Variants in MEIS2 observed in about 807,000 individuals in gnomAD.
MEIS2 encodes Meis homeobox 2, also known as homeobox protein Meis2.
MEIS2 carries 9 observed loss-of-function variants against 58.6 expected under a neutral mutation model. The ratio of observed to expected loss-of-function variants is 0.15; its 90% CI spans 0.09 to 0.27. The LOEUF (loss-of-function observed/expected upper bound fraction) is 0.27, where lower values mean the gene tolerates loss of function less well. Ranked by LOEUF, MEIS2 falls within the 10% of genes least tolerant of loss-of-function variation. MEIS2 has a pLI of 1.00. For synonymous variants in MEIS2, 221 were observed against 228.4 expected, an observed-to-expected ratio of 0.97 and a Z score of 0.29; for missense variants, 427 against 635.0, an observed-to-expected ratio of 0.67 and a Z score of 3.52.
At chr15:36,917,386 A>C (rs1485085242) in intron 9 of MEIS2, among the ~76,000 whole-genome samples, 1 of 152,208 alleles carries the variant, frequency 6.6e-6, no homozygotes, top group African/African-American at 2.4e-5. Context: ...AGTCTTCAAA[A>C]TTAAGAGAAA....
At chr15:37,067,949 T>C (rs906128345) in intron 7 of MEIS2, among the ~76,000 whole-genome samples, 2 of 152,102 alleles carry the variant, frequency 1.3e-5, no homozygotes, top group Non-Finnish European at 2.9e-5. Context: ...CATATTATTA[T>C]CACTTAATTG....
intron 6 of MEIS2, among the ~76,000 whole-genome samples, chr15:37,084,363 C>T (rs1183864640): frequency 6.6e-6 from 1 of 152,172 alleles, no homozygotes; most frequent in Non-Finnish European, 1.5e-5. Context: ...ACAGGCTCCA[C>T]AATGTATGGG....
chr15:36,944,851 C>A (rs919371659), intron 9 of MEIS2, among the ~76,000 whole-genome samples: 5 of 152,018 alleles, frequency 3.3e-5, no homozygotes, highest in Non-Finnish European at 4.4e-5. Flanking sequence ...TCGACCCCAC[C>A]TCCCTGGTTT....
At chr15:37,014,996 T>C (rs2061297969) in intron 8 of MEIS2, among the ~76,000 whole-genome samples, 1 of 152,226 alleles carries the variant, frequency 6.6e-6, no homozygotes, top group African/African-American at 2.4e-5. Flanking sequence ...GGGAAACAAA[T>C]TCTTTTCTTT....
intron 11 of MEIS2, chr15:36,894,723 C>T: frequency 6.2e-7 from 1 of 1,611,564 alleles, no homozygotes; most frequent in Non-Finnish European, 8.5e-7. Flanking sequence ...TTACTTCCCC[C>T]TTGCTTTGCG....
At chr15:36,914,703 G>A (rs963716776) in intron 9 of MEIS2, among the ~76,000 whole-genome samples, 3 of 152,304 alleles carry the variant, frequency 2.0e-5, no homozygotes, top group Admixed American at 2.0e-4. Context: ...GTGGCTTGAG[G>A]GTAGTAAGAT....
At position 37,058,541 on chromosome 15, in the gene MEIS2, C is replaced by T. The variant is rs916498772; in HGVS notation, c.755-21582G>A. The stretch of plus-strand genomic sequence containing the variant: ...AAAGGTCATCTCTCACAGACGTCTC[C>T]GGCAGACACTCAGTTGTCAAAAGGT... On this transcript the variant is annotated intron_variant, in intron 7 of 11. Transcript: ENST00000561208. Among the ~76,000 whole-genome samples the T allele has an allele frequency of 3.3e-5, 5 of 152,286 alleles. No homozygotes were observed. In the East Asian group the frequency reaches 5.8e-4, roughly 18 times the overall value.
chr15:36,920,578 A>G (rs2057466755), intron 9 of MEIS2, among the ~76,000 whole-genome samples: 1 of 152,240 alleles, frequency 6.6e-6, no homozygotes, highest in Admixed American at 6.5e-5. Flanking sequence ...AAATCCTTTA[A>G]GTTGAGCCCA....
intron 7 of MEIS2, among the ~76,000 whole-genome samples, chr15:37,037,360 C>A (rs2062199845): frequency 1.3e-5 from 2 of 152,184 alleles, no homozygotes; most frequent in South Asian, 4.1e-4. Context: ...TTCTAGGCTG[C>A]CTGCATAGGT....
chr15:36,995,966 T>TAC (rs2141576237), intron 8 of MEIS2, among the ~76,000 whole-genome samples: 1 of 6,336 alleles, frequency 1.6e-4, no homozygotes, highest in African/African-American at 6.1e-4. Flanking sequence ...GATATATATA[T>TAC]ATATATATAT....
intron 3 of MEIS2, chr15:37,096,013 C>G (rs913410495): frequency 4.6e-6 from 2 of 437,096 alleles, no homozygotes; most frequent in African/African-American, 3.9e-5. Flanking sequence ...TAGCTGGAGG[C>G]GGGGGAAAAA....
chr15:37,061,091 G>A (rs765321776), intron 7 of MEIS2, among the ~76,000 whole-genome samples: 2 of 152,032 alleles, frequency 1.3e-5, no homozygotes, highest in Admixed American at 1.3e-4. Context: ...TAGGGGGTGC[G>A]GCTACCCAAG....
At chr15:36,905,722 A>G (rs1388735127) in intron 9 of MEIS2, among the ~76,000 whole-genome samples, 2 of 152,236 alleles carry the variant, frequency 1.3e-5, no homozygotes, top group Admixed American at 6.5e-5. Flanking sequence ...TATACTTCAC[A>G]TAAGACAAAT....
At chr15:37,059,423 G>C (rs1031967756) in intron 7 of MEIS2, among the ~76,000 whole-genome samples, 4 of 152,134 alleles carry the variant, frequency 2.6e-5, no homozygotes, top group African/African-American at 9.7e-5. Context: ...AGAATTACAG[G>C]CTCTTTCAAA....
At chr15:36,895,114 T>G in intron 11 of MEIS2, 37 bp downstream of exon 11, 1 of 1,568,946 alleles carries the variant, frequency 6.4e-7, no homozygotes, top group Non-Finnish European at 8.8e-7. Flanking sequence ...AGGTGGCACT[T>G]CCCAGGGAAG....
chr15:36,993,773 G>T (rs1408180790), intron 8 of MEIS2, among the ~76,000 whole-genome samples: 2 of 152,110 alleles, frequency 1.3e-5, no homozygotes, highest in Non-Finnish European at 2.9e-5. Flanking sequence ...TGAAGCAAAA[G>T]ATTTTTAGCC....
intron 9 of MEIS2, among the ~76,000 whole-genome samples, chr15:36,907,916 A>C (rs2056820075): frequency 1.4e-5 from 1 of 73,432 alleles, no homozygotes; most frequent in Non-Finnish European, 2.7e-5. Context: ...CATCTAGTAA[A>C]GGTGCCAATG....
At chr15:36,896,216 C>T (rs776367862) in intron 10 of MEIS2, among the ~76,000 whole-genome samples, 1 of 152,102 alleles carries the variant, frequency 6.6e-6, no homozygotes, top group African/African-American at 2.4e-5. Flanking sequence ...ATAGCCAAAG[C>T]AAATGAATGG....
chr15:36,919,928 A>C (rs897066397), intron 9 of MEIS2, among the ~76,000 whole-genome samples: 2 of 152,182 alleles, frequency 1.3e-5, no homozygotes, highest in East Asian at 3.9e-4. Flanking sequence ...AGAGCTCACA[A>C]ATTATTCGTC....
Sources: allele counts gnomAD v4.1 joint callset (sites outside exome capture counted in the v4.1 genomes callset), GRCh38; gene constraint gnomAD v4.1.1; transcripts MANE v1.5; gene names NCBI Gene and HGNC (gene_info 2026-07-23, HGNC 2026-07-21).